SWI5: variants seen among roughly 807,000 people sequenced by gnomAD.
SWI5 encodes the protein SWI5 homologous recombination repair protein, also known as DNA repair protein SWI5 homolog.
SWI5 carries 12 observed loss-of-function variants against 17.0 expected under a neutral mutation model. That is an observed-to-expected ratio of 0.71 (90% CI 0.45 to 1.14). SWI5 has a LOEUF of 1.14. Among genes scored for constraint, SWI5 ranks in the 50% most tolerant of loss-of-function variants. The pLI is 0.00. For synonymous variants in SWI5, 61 were observed against 64.0 expected, an observed-to-expected ratio of 0.95 and a Z score of 0.22; for missense variants, 158 against 162.2, an observed-to-expected ratio of 0.97 and a Z score of 0.14.
chr9:128,276,723 A>G (rs762477893), exon 2 of SWI5: 1 of 1,612,582 alleles, frequency 6.2e-7, no homozygotes, highest in South Asian at 1.1e-5. Context: ...ACCAAGACTT[A>G]CCCGAAGTTG....
intron 4 of SWI5, 98 bp downstream of exon 4, chr9:128,286,131 C>G: frequency 1.2e-6 from 1 of 841,418 alleles, no homozygotes; most frequent in Non-Finnish European, 2.0e-6. Flanking sequence ...AGCTTGCCAA[C>G]CGTCACACCC....
At chr9:128,275,437 C>A, upstream of SWI5, 1 of 1,302,988 alleles carries the variant, frequency 7.7e-7, no homozygotes, top group Non-Finnish European at 9.8e-7. Context: ...GGCCAGGACC[C>A]AGGTCCTTGG....
At chr9:128,288,126 A>G (rs762638136) in intron 4 of SWI5, among the ~76,000 whole-genome samples, 3 of 152,044 alleles carry the variant, frequency 2.0e-5, no homozygotes, top group Non-Finnish European at 4.4e-5. Flanking sequence ...GGGGTAAGAT[A>G]GGTGTTCAGG....
In SWI5 at chr9:128,284,505, C is replaced by G; in HGVS notation, c.112-5C>G. Reference sequence around the variant, plus strand: ...GTCTGGCTGATGACTTTTTCTGCCTCTCAGAGGCCATTGCCCAAGTCTGGC... The same window carrying G: ...GTCTGGCTGATGACTTTTTCTGCCTGTCAGAGGCCATTGCCCAAGTCTGGC... On this transcript the variant is annotated splice_region_variant and splice_polypyrimidine_tract_variant and intron_variant, in intron 2 of 4. Transcript: ENST00000418976. 2.5e-6 allele frequency: 4 copies of G among 1,612,682 alleles called. No individual in the cohort carries two copies. Among genetic ancestry groups the G allele is most frequent in the Non-Finnish European group, 3.4e-6 (4 of 1,179,568 alleles).
At chr9:128,276,854 G>A in intron 2 of SWI5, 99 bp downstream of exon 2, 1 of 1,290,372 alleles carries the variant, frequency 7.7e-7, no homozygotes, top group South Asian at 1.3e-5. Context: ...ATCCCCGCTT[G>A]GCCCTCTTCC....
intron 2 of SWI5, among the ~76,000 whole-genome samples, chr9:128,277,128 G>T (rs1271350769): frequency 6.6e-6 from 1 of 152,006 alleles, no homozygotes; most frequent in Non-Finnish European, 1.5e-5. Flanking sequence ...AATGCTTGGC[G>T]TTCACCCTGG....
intron 4 of SWI5, chr9:128,286,628 G>A (rs993302373): frequency 3.3e-5 from 5 of 152,358 alleles, no homozygotes; most frequent in African/African-American, 1.2e-4. Context: ...GTTCAGAGCT[G>A]GGCTGTCTGC....
At chr9:128,287,692 G>T (rs1564376107) in intron 4 of SWI5, among the ~76,000 whole-genome samples, 1 of 150,748 alleles carries the variant, frequency 6.6e-6, no homozygotes, top group Non-Finnish European at 1.5e-5. Context: ...CTCCTGAGTA[G>T]CTGGGACTGC....
chr9:128,286,093 G>T (rs931574669), intron 4 of SWI5, 60 bp downstream of exon 4: 1 of 1,344,012 alleles, frequency 7.4e-7, no homozygotes, highest in African/African-American at 1.4e-5. Context: ...CTCGCCTAGG[G>T]GTGTTGGGTT....
At chr9:128,276,477 A>G in intron 1 of SWI5, 75 bp downstream of exon 1, 1 of 1,583,356 alleles carries the variant, frequency 6.3e-7, no homozygotes, top group South Asian at 1.1e-5. Context: ...CTTCCCAGAA[A>G]TCACCTCCAA....
intron 2 of SWI5, among the ~76,000 whole-genome samples, chr9:128,277,378 C>G (rs1831432401): frequency 6.6e-6 from 1 of 152,042 alleles, no homozygotes; most frequent in Non-Finnish European, 1.5e-5. Flanking sequence ...ATGATGAAAC[C>G]CTGTCTCTAC....
At chr9:128,276,102 G>A (rs1056168634), upstream of SWI5, 10 of 1,572,010 alleles carry the variant, frequency 6.4e-6, no homozygotes, top group Admixed American at 2.0e-5. Flanking sequence ...AAAGATCAAA[G>A]CCCATTGGTC....
At chr9:128,287,936 T>C (rs1236574279) in intron 4 of SWI5, among the ~76,000 whole-genome samples, 3 of 152,134 alleles carry the variant, frequency 2.0e-5, no homozygotes, top group Non-Finnish European at 2.9e-5. Flanking sequence ...CTGAGGACAC[T>C]TGGGTGAACC....
intron 2 of SWI5, among the ~76,000 whole-genome samples, chr9:128,277,507 T>C (rs1831440172): frequency 1.3e-5 from 2 of 152,140 alleles, no homozygotes; most frequent in Non-Finnish European, 2.9e-5. Flanking sequence ...TAAGCCGAGA[T>C]TGCACCACTG....
At chr9:128,275,787 G>A, upstream of SWI5, 3 of 646,864 alleles carry the variant, frequency 4.6e-6, no homozygotes, top group Admixed American at 7.1e-5. Flanking sequence ...GCGCCGTGGG[G>A]AGCCCAGCCC....
intron 2 of SWI5, among the ~76,000 whole-genome samples, chr9:128,281,386 A>G (rs976234693): frequency 6.6e-6 from 1 of 151,990 alleles, no homozygotes; most frequent in Non-Finnish European, 1.5e-5. Flanking sequence ...CCACTGATAC[A>G]GAGGGCCAAC....
intron 2 of SWI5, among the ~76,000 whole-genome samples, chr9:128,280,572 C>T (rs1488839448): frequency 4.6e-5 from 7 of 150,700 alleles, no homozygotes; most frequent in African/African-American, 1.7e-4. Flanking sequence ...TGCTGGAGTA[C>T]AGTGGTGCAA....
At chr9:128,284,064 G>A (rs1406961781) in intron 2 of SWI5, among the ~76,000 whole-genome samples, 3 of 151,860 alleles carry the variant, frequency 2.0e-5, no homozygotes, top group Non-Finnish European at 2.9e-5. Context: ...TTGGGAGACC[G>A]AGGTGGGCAG....
At chr9:128,281,888 A>C (rs556238609) in intron 2 of SWI5, among the ~76,000 whole-genome samples, 9 of 152,136 alleles carry the variant, frequency 5.9e-5, no homozygotes, top group Non-Finnish European at 1.0e-4. Context: ...ACTGGGTGAC[A>C]TAGCAAGACC....
Sources: gnomAD v4.1 joint callset for allele counts (sites outside exome capture counted in the v4.1 genomes callset) on GRCh38, gnomAD v4.1.1 for gene constraint, MANE v1.5 for transcripts, NCBI Gene and HGNC (gene_info 2026-07-23, HGNC 2026-07-21) for gene names.